SUSD1: variants seen among roughly 807,000 people sequenced by gnomAD.
SUSD1 encodes the protein sushi domain-containing protein 1.
SUSD1 carries 65 observed loss-of-function variants against 86.9 expected under a neutral mutation model. That is an observed-to-expected ratio of 0.75 (90% CI 0.61 to 0.92). The LOEUF (loss-of-function observed/expected upper bound fraction) is 0.92. Ranked by LOEUF, SUSD1 falls within the 40% of genes least tolerant of loss-of-function variation. The pLI is 0.00. For missense variants in SUSD1, 850 were observed against 929.7 expected (o/e 0.91, Z 1.11); for synonymous variants, 346 against 350.0 (o/e 0.99, Z 0.13).
At chr9:112,110,450 G>A (rs1831043102) in intron 8 of SUSD1, among the ~76,000 whole-genome samples, 1 of 151,854 alleles carries the variant, frequency 6.6e-6, no homozygotes, top group South Asian at 2.1e-4. Context: ...AGGTTGGAGT[G>A]CAGTGGCATG....
intron 8 of SUSD1, 139 bp downstream of exon 8, chr9:112,111,515 G>A: frequency 2.7e-6 from 3 of 1,122,680 alleles, no homozygotes; most frequent in South Asian, 3.2e-5. Context: ...CTCTAGTTCT[G>A]TGGCTGGAGC....
In SUSD1 at chr9:112,074,596, A is replaced by G. The variant is rs1175776778; in HGVS notation, c.1753+3942T>C. Among the ~76,000 whole-genome samples the G allele has an allele frequency of 2.6e-5, 4 of 152,208 alleles. No individual in the cohort carries two copies. The East Asian group carries it at 7.7e-4, about 29-fold the overall frequency. On this transcript the variant is annotated intron_variant, in intron 12 of 16. Transcript: ENST00000374270. ...TTAACGTAAGACACTCAGAAGGGAA[A>G]TTCCACTCTCTTTCCTTCTGGGAAA...
At chr9:112,159,000 T>TC (rs1461143664) in intron 1 of SUSD1, among the ~76,000 whole-genome samples, 2 of 150,004 alleles carry the variant, frequency 1.3e-5, no homozygotes, top group African/African-American at 2.5e-5. Flanking sequence ...CCCTACTCAT[T>TC]TTTTTTTTTC....
chr9:112,100,855 T>C (rs1409587083), intron 9 of SUSD1, among the ~76,000 whole-genome samples: 2 of 49,980 alleles, frequency 4.0e-5, no homozygotes, highest in Non-Finnish European at 7.0e-5. Flanking sequence ...AAATTGTACC[T>C]GGACACACAC....
chr9:112,059,359 A>G (rs1317467824), intron 13 of SUSD1, among the ~76,000 whole-genome samples: 1 of 152,222 alleles, frequency 6.6e-6, no homozygotes, highest in African/African-American at 2.4e-5. Context: ...AGTGATTTTC[A>G]CGTGGGCAAA....
chr9:112,140,382 A>AG (rs1211615139), intron 5 of SUSD1, among the ~76,000 whole-genome samples: 1 of 151,642 alleles, frequency 6.6e-6, no homozygotes, highest in East Asian at 1.9e-4. Flanking sequence ...AAAAAAAAAA[A>AG]ATACAAAAAT....
intron 12 of SUSD1, among the ~76,000 whole-genome samples, chr9:112,067,401 G>A (rs1354702954): frequency 6.6e-6 from 1 of 152,238 alleles, no homozygotes; most frequent in Non-Finnish European, 1.5e-5. Context: ...TGATCCCACA[G>A]ATTCCACATG....
chr9:112,168,826 G>A (rs4979085), intron 1 of SUSD1, among the ~76,000 whole-genome samples: 1 of 151,932 alleles, frequency 6.6e-6, no homozygotes, highest in Non-Finnish European at 1.5e-5. Flanking sequence ...AAGCACAAAT[G>A]CAGTGCTTAA....
At chr9:112,165,913 G>GAAAGAAAAAGAAAGAAAGAAA (rs1452059359) in intron 1 of SUSD1, among the ~76,000 whole-genome samples, 167 of 66,946 alleles carry the variant, frequency 2.5e-3, no homozygotes, top group South Asian at 3.4e-3. Context: ...AAGGAAGGAA[G>GAAAGAAAAAGAAAGAAAGAAA]GAAGAAAGAA....
At position 112,112,784 on chromosome 9, in the gene SUSD1, T is replaced by C; in HGVS notation, c.971A>G (p.Lys324Arg). Residue 324 changes from lysine (K) to arginine (R), a missense_variant, in exon 7 of 17, where the codon AAG becomes AGG. Transcript: ENST00000374270. The stretch of plus-strand genomic sequence containing the variant: ...CACTTTACTTACCACATATGAGATC[T>C]TGGGGTTTATTCTTCTTGAGTTTAT... ...WQINSRRINP[K>R]ISYVISIKGQ... The C allele has an allele frequency of 6.2e-7, 1 of 1,611,160 alleles. No homozygotes were observed. The highest frequency in any genetic ancestry group is 8.5e-7 in the Non-Finnish European group (1 of 1,177,278).
intron 10 of SUSD1, among the ~76,000 whole-genome samples, chr9:112,087,433 G>A (rs890432109): frequency 1.5e-4 from 23 of 152,040 alleles, no homozygotes; most frequent in African/African-American, 4.3e-4. Flanking sequence ...CGCTCACCTC[G>A]GCCTCCCAAA....
At chr9:112,151,982 C>A (rs1833067657) in intron 2 of SUSD1, among the ~76,000 whole-genome samples, 1 of 151,350 alleles carries the variant, frequency 6.6e-6, no homozygotes, top group Non-Finnish European at 1.5e-5. Flanking sequence ...TGCAGTGAGC[C>A]AAGATCGCGC....
At chr9:112,077,562 G>A (rs1026778013) in intron 12 of SUSD1, among the ~76,000 whole-genome samples, 1 of 136,634 alleles carries the variant, frequency 7.3e-6, no homozygotes, top group Non-Finnish European at 1.5e-5. Flanking sequence ...GCCTAGGCTG[G>A]AGTGCGATCT....
At chr9:112,163,992 C>T (rs1833676068) in intron 1 of SUSD1, among the ~76,000 whole-genome samples, 1 of 150,946 alleles carries the variant, frequency 6.6e-6, no homozygotes, top group African/African-American at 2.4e-5. Context: ...CAGATCAAGA[C>T]TCTGTCTCAA....
chr9:112,086,044 C>T (rs1467475028), intron 10 of SUSD1, among the ~76,000 whole-genome samples: 1 of 152,052 alleles, frequency 6.6e-6, no homozygotes, highest in Non-Finnish European at 1.5e-5. Context: ...TAGCTCACAC[C>T]TGTAATCCCA....
rs143212868 is a variant in SUSD1, at chr9:112,042,573, A to C, written c.2150-613T>G. On this transcript the variant is annotated intron_variant, in intron 15 of 16. Transcript: ENST00000374270. ...GGGAGATCCCCGATTATAAACTAAA[A>C]AACACTCACAGTTGAGTTGCACATG... Among the ~76,000 whole-genome samples the C allele has an allele frequency of 7.3e-3, 1,106 of 152,334 alleles. 19 individuals are homozygous for C. The highest frequency in any genetic ancestry group is 0.021 in the Admixed American group (321 of 15,300).
intron 3 of SUSD1, among the ~76,000 whole-genome samples, chr9:112,148,549 C>T (rs567099461): frequency 6.6e-6 from 1 of 152,204 alleles, no homozygotes; most frequent in East Asian, 1.9e-4. Flanking sequence ...GGACCCCCGA[C>T]CTGTGGTTAC....
chr9:112,110,447 A>G (rs1831042825), intron 8 of SUSD1, among the ~76,000 whole-genome samples: 1 of 151,862 alleles, frequency 6.6e-6, no homozygotes, highest in African/African-American at 2.4e-5. Context: ...CCCAGGTTGG[A>G]GTGCAGTGGC....
chr9:112,151,562 A>T (rs959649612), intron 2 of SUSD1, among the ~76,000 whole-genome samples: 3 of 150,156 alleles, frequency 2.0e-5, no homozygotes, highest in African/African-American at 7.4e-5. Context: ...ATGCCATTGC[A>T]CTCCAGCTGG....
Sources: gnomAD v4.1 joint callset for allele counts (sites outside exome capture counted in the v4.1 genomes callset) on GRCh38, gnomAD v4.1.1 for gene constraint, MANE v1.5 for transcripts, NCBI Gene and HGNC (gene_info 2026-07-23, HGNC 2026-07-21) for gene names.